RASGRF1: variants seen among roughly 807,000 people sequenced by gnomAD.
RASGRF1 encodes the protein ras-specific guanine nucleotide-releasing factor 1.
In RASGRF1, 40 loss-of-function variants were observed where a neutral mutation model predicts 138.7. That is an observed-to-expected ratio of 0.29 (90% CI 0.22 to 0.38). The LOEUF (loss-of-function observed/expected upper bound fraction) is 0.38. Ranked by LOEUF, RASGRF1 falls within the 10% of genes least tolerant of loss-of-function variation. The probability of loss-of-function intolerance (pLI) is 1.00; values close to 1 mark genes in which losing one functional copy is unlikely to be tolerated. For missense variants in RASGRF1, 1,108 were observed against 1,650.4 expected (o/e 0.67, Z 5.69); for synonymous variants, 614 against 663.2 (o/e 0.93, Z 1.14).
At chr15:78,991,849 C>T (rs1461354616) in intron 20 of RASGRF1, 55 bp from the exon 21 acceptor site, 2 of 1,436,076 alleles carry the variant, frequency 1.4e-6, no homozygotes, top group Non-Finnish European at 2.0e-6. Context: ...CGGACACCTC[C>T]TGGATTCCCA....
Position 79,015,428 on chromosome 15 carries a change from C to T in RASGRF1, c.1744-19G>A. The T allele has an allele frequency of 1.2e-6, 2 of 1,603,846 alleles. No individual in the cohort carries two copies. Among genetic ancestry groups the T allele is most frequent in the Admixed American group, 1.7e-5 (1 of 60,004 alleles). On this transcript the variant is annotated intron_variant, in intron 12 of 26. Coordinates refer to ENST00000558480, the MANE Select transcript of RASGRF1 (RefSeq NM_001145648.3). ...CCACACACTGGAATCAGAGAGAGGA[C>T]CCCAGGGTCAGAGCTCTCCATTCCT... is the stretch of plus-strand genomic sequence containing the variant.
chr15:78,999,940 A>T, intron 16 of RASGRF1, 27 bp from the exon 17 acceptor site: 1 of 1,606,228 alleles, frequency 6.2e-7, no homozygotes, highest in Non-Finnish European at 8.5e-7. Context: ...ACCAACCCTC[A>T]GCTGTCCCCA....
intron 10 of RASGRF1, among the ~76,000 whole-genome samples, chr15:79,023,979 A>T (rs1439470667): frequency 1.3e-5 from 2 of 151,662 alleles, no homozygotes; most frequent in Non-Finnish European, 2.9e-5. Context: ...ACAGACACAC[A>T]AACACATATC....
chr15:78,968,040 C>T (rs1270954584), intron 26 of RASGRF1, among the ~76,000 whole-genome samples: 1 of 151,902 alleles, frequency 6.6e-6, no homozygotes, highest in Non-Finnish European at 1.5e-5. Flanking sequence ...TCACACATTG[C>T]ATTTAGATGT....
At chr15:78,994,809 G>A (rs959189413) in intron 20 of RASGRF1, among the ~76,000 whole-genome samples, 4 of 152,154 alleles carry the variant, frequency 2.6e-5, no homozygotes, top group Admixed American at 6.5e-5. Context: ...TGTGGTAGAC[G>A]GAATGAGGGA....
At chr15:79,024,665 C>A (rs186861807) in intron 10 of RASGRF1, among the ~76,000 whole-genome samples, 2 of 152,276 alleles carry the variant, frequency 1.3e-5, no homozygotes, top group Non-Finnish European at 1.5e-5. Flanking sequence ...AGTTCCCCTG[C>A]ACATGGTCTC....
At chr15:79,013,809 G>A (rs1209963151) in intron 13 of RASGRF1, among the ~76,000 whole-genome samples, 1 of 152,218 alleles carries the variant, frequency 6.6e-6, no homozygotes, top group Non-Finnish European at 1.5e-5. Flanking sequence ...CCCAGGGCTT[G>A]GAGAGCTGCG....
chr15:79,072,442 A>AT (rs1382085668), intron 1 of RASGRF1, among the ~76,000 whole-genome samples: 1 of 150,974 alleles, frequency 6.6e-6, no homozygotes, highest in Non-Finnish European at 1.5e-5. Context: ...CGCCCGGCTA[A>AT]TTTTTTGTAT....
At chr15:79,007,845 G>A (rs1293766984) in intron 13 of RASGRF1, among the ~76,000 whole-genome samples, 7 of 149,358 alleles carry the variant, frequency 4.7e-5, no homozygotes, top group African/African-American at 1.5e-4. Context: ...GAGCCACTGT[G>A]CCCAGACTAT....
chr15:79,015,714 A>G (rs2056869473), intron 12 of RASGRF1, among the ~76,000 whole-genome samples: 1 of 152,352 alleles, frequency 6.6e-6, no homozygotes, highest in South Asian at 2.1e-4. Flanking sequence ...CTGGGATGCA[A>G]AATGAATGCA....
intron 2 of RASGRF1, among the ~76,000 whole-genome samples, chr15:79,062,432 C>T (rs2057619755): frequency 6.6e-6 from 1 of 152,204 alleles, no homozygotes; most frequent in Non-Finnish European, 1.5e-5. Flanking sequence ...TGGCTTCCCA[C>T]CGTTCACAGG....
At position 78,989,341 on chromosome 15, in the gene RASGRF1, T is replaced by A. The variant is rs76628274; in HGVS notation, c.3216+848A>T. On this transcript the variant is annotated intron_variant, in intron 22 of 26. Coordinates refer to ENST00000558480, the MANE Select transcript of RASGRF1 (RefSeq NM_001145648.3). Reference sequence around the variant, plus strand: ...CTCAACAGTTCTTCCCCAGGAAAGCTGGGGCTGGGAGGTCTAGAGAAGGGG... The same window carrying A: ...CTCAACAGTTCTTCCCCAGGAAAGCAGGGGCTGGGAGGTCTAGAGAAGGGG... 5.1e-3 allele frequency among the ~76,000 whole-genome samples: 774 copies of A among 152,232 alleles called. 4 individuals are homozygous for A. Among genetic ancestry groups the A allele is most frequent in the African/African-American group, 0.018 (746 of 41,548 alleles).
At chr15:78,963,963 G>GA (rs1256466692) in intron 26 of RASGRF1, among the ~76,000 whole-genome samples, 2 of 152,106 alleles carry the variant, frequency 1.3e-5, no homozygotes, top group Non-Finnish European at 2.9e-5. Flanking sequence ...TCAGGAAACT[G>GA]ATTAGTTTCC....
At chr15:79,068,091 C>T (rs1258235707) in intron 1 of RASGRF1, among the ~76,000 whole-genome samples, 1 of 152,202 alleles carries the variant, frequency 6.6e-6, no homozygotes, top group Non-Finnish European at 1.5e-5. Context: ...CCTGCAGGCA[C>T]TGTCCCTGTG....
chr15:79,048,373 C>A (rs868438191), intron 4 of RASGRF1, among the ~76,000 whole-genome samples: 1 of 152,178 alleles, frequency 6.6e-6, no homozygotes, highest in East Asian at 1.9e-4. Flanking sequence ...TGTGTCCCGG[C>A]AGCATAGCCT....
chr15:78,984,819 C>A lies in RASGRF1; in HGVS notation c.3414+188G>T, dbSNP rs138420552. ...GGGGATTACAGTCCAGGTCTCACTGCCATATCTGTGGGCCTGCTATCTGGT... is the reference window on the plus strand; with the variant it reads ...GGGGATTACAGTCCAGGTCTCACTGACATATCTGTGGGCCTGCTATCTGGT... On this transcript the variant is annotated intron_variant, in intron 23 of 26. Coordinates refer to ENST00000558480, the MANE Select transcript of RASGRF1 (RefSeq NM_001145648.3). 148 of 645,924 alleles carry A rather than the reference C, an allele frequency of 2.3e-4. 1 individual carries two copies. The highest frequency in any genetic ancestry group is 1.6e-3 in the African/African-American group (91 of 55,694). The allele number at this position is 645,924 out of a possible 1,614,324, so 40.0% of individuals were successfully genotyped here.
rs75408312 is a variant in RASGRF1, at chr15:78,980,757, C to T, written c.3415-58G>A. The T allele has an allele frequency of 0.01, 13,526 of 1,336,110 alleles. 967 individuals carry two copies. The African/African-American group carries it at 0.16, about 16-fold the overall frequency. The allele number at this position is 1,336,110 out of a possible 1,614,324, so 82.8% of individuals were successfully genotyped here. ...AGCACACGCTGTGATCCCCGAGGCC[C>T]GGGGATCAGGCCCACACTCCAACAT... On this transcript the variant is annotated intron_variant, in intron 23 of 26. Transcript: ENST00000558480.
At position 79,049,482 on chromosome 15, in the gene RASGRF1, G is replaced by A; in HGVS notation, c.624+14C>T. Reference sequence around the variant, plus strand: ...AGAGCTCCAAAGAAGGCCACCCAGAGGGATAGCACTGACCTTCTTAATTTT... The same window carrying A: ...AGAGCTCCAAAGAAGGCCACCCAGAAGGATAGCACTGACCTTCTTAATTTT... On this transcript the variant is annotated intron_variant, in intron 4 of 26. Coordinates refer to ENST00000558480, the MANE Select transcript of RASGRF1 (RefSeq NM_001145648.3). 1 of 1,612,576 alleles carries A rather than the reference G, an allele frequency of 6.2e-7. No individual in the cohort carries two copies. The highest frequency in any genetic ancestry group is 8.5e-7 in the Non-Finnish European group (1 of 1,178,900).
At position 79,055,992 on chromosome 15, in the gene RASGRF1, G is replaced by A. The variant is rs78146120; in HGVS notation, c.531+2342C>T. 6.2e-3 allele frequency among the ~76,000 whole-genome samples: 942 copies of A among 152,316 alleles called. 6 individuals carry two copies. Among genetic ancestry groups the A allele is most frequent in the African/African-American group, 0.021 (877 of 41,576 alleles). On this transcript the variant is annotated intron_variant, in intron 3 of 26. Coordinates refer to ENST00000558480, the MANE Select transcript of RASGRF1 (RefSeq NM_001145648.3). ...CCTGTTGGGGTGACAGGCACACATG[G>A]AGCCTGCTCTCACATGGTGAGCTGA...
Sources: allele counts gnomAD v4.1 joint callset (sites outside exome capture counted in the v4.1 genomes callset), GRCh38; gene constraint gnomAD v4.1.1; transcripts MANE v1.5; gene names NCBI Gene and HGNC (gene_info 2026-07-23, HGNC 2026-07-21).